DLGAP1: variants seen among roughly 807,000 people sequenced by gnomAD.
DLGAP1 encodes the protein DLG associated protein 1, also known as disks large-associated protein 1.
DLGAP1 carries 11 observed loss-of-function variants against 90.8 expected under a neutral mutation model. That is an observed-to-expected ratio of 0.12 (90% CI 0.08 to 0.20). DLGAP1 has a LOEUF of 0.20. Among genes scored for constraint, DLGAP1 ranks in the 10% least tolerant of loss-of-function variants. The pLI is 1.00. For missense variants in DLGAP1, 1,050 were observed against 1,333.8 expected, an observed-to-expected ratio of 0.79 and a Z score of 3.31; for synonymous variants, 558 against 540.7, an observed-to-expected ratio of 1.03 and a Z score of -0.44.
intron 5 of DLGAP1, among the ~76,000 whole-genome samples, chr18:3,797,393 G>A (rs971041225): frequency 6.6e-6 from 1 of 151,868 alleles, no homozygotes; most frequent in Non-Finnish European, 1.5e-5. Context: ...AGACAGTGAG[G>A]AGGTGGCCCT....
chr18:4,041,286 C>T (rs1369397525), intron 2 of DLGAP1, among the ~76,000 whole-genome samples: 1 of 152,124 alleles, frequency 6.6e-6, no homozygotes, highest in African/African-American at 2.4e-5. Flanking sequence ...TAGCATGTTA[C>T]ACTACATTTA....
intron 1 of DLGAP1, among the ~76,000 whole-genome samples, chr18:4,277,230 G>A (rs1301557280): frequency 6.6e-6 from 1 of 152,118 alleles, no homozygotes; most frequent in Non-Finnish European, 1.5e-5. Flanking sequence ...ATCTAATAAT[G>A]CTGCAAATTT....
In DLGAP1 at chr18:3,531,577, G is replaced by A. The variant is rs115982115; in HGVS notation, c.2479+2617C>T. Reference sequence around the variant, plus strand: ...CTGTTCACCGCAAACTCAATCTCACGGGTTCAAGCCATTCTCTGCCTCAGC... The same window carrying A: ...CTGTTCACCGCAAACTCAATCTCACAGGTTCAAGCCATTCTCTGCCTCAGC... On this transcript the variant is annotated intron_variant, in intron 10 of 12. Coordinates refer to ENST00000315677, the MANE Select transcript of DLGAP1 (RefSeq NM_004746.4). Among the ~76,000 whole-genome samples the A allele has an allele frequency of 6.8e-3, 1,036 of 152,172 alleles. 11 individuals are homozygous for A. The highest frequency in any genetic ancestry group is 0.023 in the African/African-American group (970 of 41,536).
chr18:4,449,890 T>A (rs1294975374), intron 1 of DLGAP1, among the ~76,000 whole-genome samples: 2 of 152,092 alleles, frequency 1.3e-5, no homozygotes, highest in Admixed American at 6.5e-5. Context: ...AGCTCTAGAA[T>A]CAAGTGAGTC....
At chr18:4,420,271 G>A (rs1041208527) in intron 1 of DLGAP1, among the ~76,000 whole-genome samples, 1 of 152,096 alleles carries the variant, frequency 6.6e-6, no homozygotes, top group Non-Finnish European at 1.5e-5. Context: ...GACAGAACAA[G>A]TACATAGTAA....
chr18:4,291,534 T>C (rs1469069426), intron 1 of DLGAP1, among the ~76,000 whole-genome samples: 2 of 151,888 alleles, frequency 1.3e-5, no homozygotes, highest in East Asian at 3.8e-4. Context: ...ATAATAAATT[T>C]TGGATTATTT....
intron 1 of DLGAP1, among the ~76,000 whole-genome samples, chr18:4,432,120 C>A (rs1334391869): frequency 6.6e-6 from 1 of 152,026 alleles, no homozygotes; most frequent in Non-Finnish European, 1.5e-5. Flanking sequence ...TCTCAAATTT[C>A]TTTTAGAAAA....
chr18:3,991,570 GCTGA>G (rs1383338486), intron 3 of DLGAP1, among the ~76,000 whole-genome samples: 5 of 152,200 alleles, frequency 3.3e-5, no homozygotes, highest in Non-Finnish European at 5.9e-5. Flanking sequence ...TCTTCTGGAG[GCTGA>G]CTGCCCAAGC....
At chr18:4,215,081 T>C (rs116861126) in intron 1 of DLGAP1, among the ~76,000 whole-genome samples, 1,721 of 152,262 alleles carry the variant, frequency 0.011, 21 homozygotes, top group Middle Eastern at 0.031. Flanking sequence ...CTCACTTTAT[T>C]GTATTTTGCT....
chr18:3,788,678 G>A (rs372423266), intron 5 of DLGAP1, among the ~76,000 whole-genome samples: 11 of 152,100 alleles, frequency 7.2e-5, no homozygotes, highest in African/African-American at 2.7e-4. Context: ...ATCCTTACAG[G>A]GTCGGGCTTG....
rs1363966647 is a variant in DLGAP1, at chr18:3,997,411, C to T, written c.-73+7705G>A. On this transcript the variant is annotated intron_variant, in intron 3 of 12. Transcript: ENST00000315677. ...TGCCAGCTTGGGTCGCTCCCCCTCA[C>T]CCCTAGGCTCGGTTAAACAGTTTGG... 3.3e-4 allele frequency among the ~76,000 whole-genome samples: 16 copies of T among 48,568 alleles called. 4 individuals are homozygous for T. The highest frequency in any genetic ancestry group is 7.9e-5 in the Non-Finnish European group (2 of 25,194). 31.9% of individuals were successfully genotyped at this position (48,568 alleles called of 152,430 possible).
chr18:3,722,074 T>A (rs1490994874), intron 7 of DLGAP1: 1 of 152,212 alleles, frequency 6.6e-6, no homozygotes, highest in Non-Finnish European at 1.5e-5. Flanking sequence ...TGCTTCCTTG[T>A]GAATGATCTC....
At chr18:3,772,338 CT>C (rs2064648899) in intron 5 of DLGAP1, among the ~76,000 whole-genome samples, 1 of 42,280 alleles carries the variant, frequency 2.4e-5, no homozygotes, top group East Asian at 3.8e-4. Context: ...CTCCTTCTCT[CT>C]CTCTCTCTCT....
intron 1 of DLGAP1, among the ~76,000 whole-genome samples, chr18:4,330,573 A>G (rs1310162020): frequency 6.6e-6 from 1 of 151,748 alleles, no homozygotes; most frequent in Admixed American, 6.6e-5. Context: ...CTTCATTTTC[A>G]GTCAGTTCAA....
In DLGAP1 at chr18:3,751,293, A is replaced by G. The variant is rs977658799; in HGVS notation, c.1173-8781T>C. ...AATACTTTGCTGTAAAACATTTTTC[A>G]TTTTCTTTCTTTTTTCTTTTTGAGT... On this transcript the variant is annotated intron_variant, in intron 5 of 12. Transcript: ENST00000315677. 5.9e-5 allele frequency among the ~76,000 whole-genome samples: 9 copies of G among 151,878 alleles called. No homozygotes were observed. The South Asian group carries it at 6.2e-4, about 10-fold the overall frequency.
At chr18:4,371,601 T>C (rs140195903) in intron 1 of DLGAP1, among the ~76,000 whole-genome samples, 10 of 152,348 alleles carry the variant, frequency 6.6e-5, no homozygotes, top group South Asian at 4.1e-4. Flanking sequence ...TTTTTAATTA[T>C]TGAGTCTTTA....
chr18:3,983,821 A>C (rs2073787295), intron 3 of DLGAP1: 1 of 152,210 alleles, frequency 6.6e-6, no homozygotes, highest in South Asian at 2.1e-4. Context: ...CATTGTTTAA[A>C]GAGATAACAG....
At position 4,454,465 on chromosome 18, in the gene DLGAP1, T is replaced by C. The variant is rs1464793747; in HGVS notation, c.-267+541A>G. On this transcript the variant is annotated intron_variant, in intron 1 of 12. Coordinates refer to ENST00000315677, the MANE Select transcript of DLGAP1 (RefSeq NM_004746.4). The surrounding 1 kb of genome is among the most constrained non-coding windows in gnomAD (Gnocchi z 4.7). ...GTGTCTCTGTTTCTTTGGCTTTCTC[T>C]TACAAACGCACGGGGGAGTTGGTCC... Among the ~76,000 whole-genome samples, 2 of 152,134 alleles carry C rather than the reference T, an allele frequency of 1.3e-5. No homozygotes were observed. Among genetic ancestry groups the C allele is most frequent in the Non-Finnish European group, 2.9e-5 (2 of 68,012 alleles).
intron 1 of DLGAP1, among the ~76,000 whole-genome samples, chr18:4,371,805 A>T (rs2081922451): frequency 6.6e-6 from 1 of 152,218 alleles, no homozygotes; most frequent in Non-Finnish European, 1.5e-5. Context: ...TTCCTTCAGC[A>T]AGCCCTTTTG....
Sources: allele counts gnomAD v4.1 joint callset (sites outside exome capture counted in the v4.1 genomes callset), GRCh38; gene constraint gnomAD v4.1.1; non-coding constraint Gnocchi (gnomAD v3.1); transcripts MANE v1.5; gene names NCBI Gene and HGNC (gene_info 2026-07-23, HGNC 2026-07-21).